The following RARB variants were observed in gnomAD, a reference collection of about 807,000 sequenced individuals.
The protein encoded by RARB is HBV-activated protein.
A neutral mutation model predicts 51.9 loss-of-function variants in RARB; 17 were observed. The ratio of observed to expected loss-of-function variants is 0.33; its 90% CI spans 0.22 to 0.49. The LOEUF (loss-of-function observed/expected upper bound fraction) is 0.49. RARB is among the 20% of genes least tolerant of loss of function. RARB has a pLI of 0.99. For missense variants in RARB, 369 were observed against 550.8 expected, an observed-to-expected ratio of 0.67 and a Z score of 3.30; for synonymous variants, 215 against 195.4, an observed-to-expected ratio of 1.10 and a Z score of -0.84.
chr3:25,152,372 G>T (rs764615193), intron 4 of RARB, among the ~76,000 whole-genome samples: 1 of 152,156 alleles, frequency 6.6e-6, no homozygotes, highest in East Asian at 1.9e-4. Context: ...TATAAAGCAG[G>T]TTAGCAGTTG....
Position 25,336,501 on chromosome 3 carries a change from G to A in RARB, c.179-124692G>A, listed in dbSNP as rs578022452. On this transcript the variant is annotated intron_variant, in intron 5 of 11. Coordinates refer to the RARB transcript ENST00000383772. ...CCTTAGTAGATTTTAAACCTCTTGT[G>A]GGCAAAAATCAAACGTTAGACTTCT... is the stretch of plus-strand genomic sequence containing the variant. Among the ~76,000 whole-genome samples the A allele has an allele frequency of 3.9e-5, 6 of 152,220 alleles. No individual in the cohort carries two copies. The East Asian group carries it at 1.2e-3, about 29-fold the overall frequency.
intron 3 of RARB, among the ~76,000 whole-genome samples, chr3:25,063,287 T>A (rs1229424354): frequency 6.6e-6 from 1 of 152,066 alleles, no homozygotes; most frequent in African/African-American, 2.4e-5. Flanking sequence ...AAACTTCTGA[T>A]TCTCTTGATA....
intron 5 of RARB, among the ~76,000 whole-genome samples, chr3:25,255,607 G>T (rs1575261970): frequency 6.6e-6 from 1 of 152,048 alleles, no homozygotes; most frequent in South Asian, 2.1e-4. Context: ...TACTTGCCGT[G>T]TAGATGTCTC....
chr3:24,854,257 G>A (rs2125337777), intron 1 of RARB, among the ~76,000 whole-genome samples: 1 of 152,294 alleles, frequency 6.6e-6, no homozygotes, highest in South Asian at 2.1e-4. Context: ...GGGGTCAACA[G>A]GACTAGAAGG....
intron 4 of RARB, among the ~76,000 whole-genome samples, chr3:25,138,849 A>T (rs1049498821): frequency 7.2e-5 from 11 of 152,188 alleles, no homozygotes. Context: ...TGTATATTTT[A>T]CAAATTGAAG....
chr3:25,261,119 C>A (rs987922699), intron 5 of RARB, among the ~76,000 whole-genome samples: 2 of 152,046 alleles, frequency 1.3e-5, no homozygotes, highest in African/African-American at 4.8e-5. Flanking sequence ...AGTACATGTT[C>A]TACATGTGTT....
chr3:25,186,980 G>C (rs1015254977), intron 5 of RARB, among the ~76,000 whole-genome samples: 1 of 142,798 alleles, frequency 7.0e-6, no homozygotes, highest in African/African-American at 2.6e-5. Flanking sequence ...AGTCATATCA[G>C]TCACACGATG....
intron 1 of RARB, among the ~76,000 whole-genome samples, chr3:24,855,359 C>T (rs569497121): frequency 1.1e-4 from 17 of 152,130 alleles, no homozygotes; most frequent in Non-Finnish European, 4.4e-5. Context: ...CACAGCAATA[C>T]AATAGAAAGG....
chr3:25,472,614 C>A (rs1695752709), intron 2 of RARB, among the ~76,000 whole-genome samples: 1 of 152,206 alleles, frequency 6.6e-6, no homozygotes, highest in Non-Finnish European at 1.5e-5. Flanking sequence ...ATTCTACCAT[C>A]TGTGGTTTTG....
At chr3:25,177,802 C>G (rs1700786212) in intron 5 of RARB, among the ~76,000 whole-genome samples, 1 of 152,208 alleles carries the variant, frequency 6.6e-6, no homozygotes, top group African/African-American at 2.4e-5. Context: ...GATGCTATAT[C>G]TACTTTGCAG....
At chr3:25,526,539 A>G (rs1698657567) in intron 3 of RARB, among the ~76,000 whole-genome samples, 1 of 152,174 alleles carries the variant, frequency 6.6e-6, no homozygotes, top group African/African-American at 2.4e-5. Flanking sequence ...TAAAAGAGAA[A>G]TGAAAAATTA....
chr3:24,903,691 T>A (rs1031786317), intron 2 of RARB, among the ~76,000 whole-genome samples: 7 of 152,152 alleles, frequency 4.6e-5, no homozygotes, highest in African/African-American at 1.7e-4. Context: ...AAGATCTTGA[T>A]GTTCAAGTGG....
intron 3 of RARB, among the ~76,000 whole-genome samples, chr3:25,526,729 T>G (rs1273970178): frequency 6.6e-6 from 1 of 152,124 alleles, no homozygotes; most frequent in Non-Finnish European, 1.5e-5. Flanking sequence ...TTCTCTGGCT[T>G]CCAATGCAAT....
intron 2 of RARB, among the ~76,000 whole-genome samples, chr3:25,014,398 G>A (rs2125281473): frequency 6.6e-6 from 1 of 152,224 alleles, no homozygotes; most frequent in Non-Finnish European, 1.5e-5. Flanking sequence ...GTGAAGAGAG[G>A]CTACCTGTAG....
intron 4 of RARB, among the ~76,000 whole-genome samples, chr3:25,134,907 A>G (rs575033086): frequency 2.6e-5 from 4 of 152,096 alleles, no homozygotes; most frequent in Middle Eastern, 3.4e-3. Flanking sequence ...TTTCCCCATG[A>G]GTAGATTTGT....
At chr3:25,152,452 G>C (rs571688255) in intron 4 of RARB, among the ~76,000 whole-genome samples, 47 of 152,156 alleles carry the variant, frequency 3.1e-4, no homozygotes, top group African/African-American at 1.1e-3. Context: ...AGGGGAAAAT[G>C]GTTATCGACT....
At chr3:25,053,126 T>C (rs1698370273) in intron 2 of RARB, among the ~76,000 whole-genome samples, 3 of 151,978 alleles carry the variant, frequency 2.0e-5, no homozygotes, top group Admixed American at 2.0e-4. Flanking sequence ...GGGGGAGAGA[T>C]TATAGTTTTT....
At chr3:25,161,984 C>G (rs909481606) in intron 4 of RARB, among the ~76,000 whole-genome samples, 2 of 152,220 alleles carry the variant, frequency 1.3e-5, no homozygotes, top group Non-Finnish European at 2.9e-5. Context: ...ACACACAAGA[C>G]AATCTGGCCT....
intron 2 of RARB, among the ~76,000 whole-genome samples, chr3:24,870,363 G>C (rs1702923982): frequency 6.6e-6 from 1 of 151,966 alleles, no homozygotes; most frequent in South Asian, 2.1e-4. Context: ...TCCATAATAG[G>C]AAAACTAATT....
Sources: allele counts gnomAD v4.1 joint callset (sites outside exome capture counted in the v4.1 genomes callset), GRCh38; gene constraint gnomAD v4.1.1; transcripts MANE v1.5; gene names NCBI Gene and HGNC (gene_info 2026-07-23, HGNC 2026-07-21).